The following SNAPC4 variants were observed in gnomAD, a reference collection of about 807,000 sequenced individuals.
SNAPC4 encodes snRNA-activating protein complex subunit 4.
SNAPC4 carries 127 observed loss-of-function variants against 151.3 expected under a neutral mutation model. The ratio of observed to expected loss-of-function variants is 0.84; its 90% confidence interval spans 0.73 to 0.97. The LOEUF (loss-of-function observed/expected upper bound fraction) is 0.97, where lower values mean the gene tolerates loss of function less well. SNAPC4 is among the 50% of genes least tolerant of loss of function. The pLI, the probability that SNAPC4 is intolerant of heterozygous loss-of-function variation, is 0.00. For synonymous variants in SNAPC4, 1,002 were observed against 824.4 expected, an observed-to-expected ratio of 1.22 and a Z score of -3.69; for missense variants, 2,186 against 1,935.0, an observed-to-expected ratio of 1.13 and a Z score of -2.43.
rs1833684677 is a variant in SNAPC4 at position 136,381,381 on chromosome 9, T to G, written c.2329A>C (p.Arg777=). Residue 777 remains arginine (R), a synonymous_variant, in exon 19 of 24, where the codon AGG becomes CGG. Transcript: ENST00000684778. ...AVVQTQADGL[R]EQLQQARLAS... is the part of the protein sequence containing the mutation. ...AGGCGGGCCTGCTGCAGCTGCTCCC[T>G]GAGGCCATCCGCTGCGGGCACAGGG... is the stretch of plus-strand genomic sequence containing the variant. The G allele has an allele frequency of 6.2e-7, 1 of 1,612,542 alleles. No individual in the cohort carries two copies. The highest frequency in any genetic ancestry group is 2.2e-5 in the East Asian group (1 of 44,876).
intron 9 of SNAPC4, 132 bp downstream of exon 9, chr9:136,392,390 C>T (rs80229337): frequency 4.2e-6 from 4 of 945,110 alleles, no homozygotes; most frequent in Middle Eastern, 3.1e-4. Flanking sequence ...GTGCTTGACC[C>T]GGGTGGGTGG....
chr9:136,387,934 G>A, intron 11 of SNAPC4, 86 bp from the exon 12 acceptor site: 1 of 812,724 alleles, frequency 1.2e-6, no homozygotes, highest in Admixed American at 1.8e-5. Context: ...AGGGTCCCGT[G>A]GGGCCGAGAC....
chr9:136,383,452 C>A lies in SNAPC4; in HGVS notation c.1717G>T (p.Val573Phe). 1 of 1,561,944 alleles carries A rather than the reference C, an allele frequency of 6.4e-7. No individual in the cohort carries two copies. The highest frequency in any genetic ancestry group is 8.7e-7 in the Non-Finnish European group (1 of 1,153,326). ...QYMVPDMDLW[V>F]PARQSTSQPW... Reference sequence around the variant, plus strand: ...TGGCTGGTGCTCTGCCTGGCAGGAACCCACAGGTCCATGTCCGGGACCATG... The same window carrying A: ...TGGCTGGTGCTCTGCCTGGCAGGAAACCACAGGTCCATGTCCGGGACCATG... The change falls in exon 16 of 24, where the codon GTT becomes TTT. Residue 573 changes from valine to phenylalanine, a missense_variant. Coordinates refer to ENST00000684778, the MANE Select transcript of SNAPC4 (RefSeq NM_003086.4). The surrounding 1 kb of genome is among the most constrained non-coding windows in gnomAD (Gnocchi z 4.2).
chr9:136,394,452 C>G (rs1834190026), intron 6 of SNAPC4, 122 bp from the exon 7 acceptor site: 3 of 829,804 alleles, frequency 3.6e-6, no homozygotes, highest in Middle Eastern at 3.3e-4. Context: ...AGCAGCACGC[C>G]AGACCTACTG....
At chr9:136,385,822 A>G (rs560800112) in intron 13 of SNAPC4, among the ~76,000 whole-genome samples, 149 of 152,122 alleles carry the variant, frequency 9.8e-4, no homozygotes, top group African/African-American at 2.2e-3. Flanking sequence ...CCAAAGTGCT[A>G]GGATTACAGG....
rs1316953048 is a variant in SNAPC4 at position 136,384,001 on chromosome 9, G to A, written c.1452C>T (p.Pro484=). The A allele has an allele frequency of 1.3e-5, 21 of 1,613,686 alleles. No individual in the cohort carries two copies. The Admixed American group carries it at 3.5e-4, about 27-fold the overall frequency. Residue 484 remains proline (P), a synonymous_variant, in exon 15 of 24, where the codon CCC becomes CCT. Transcript: ENST00000684778. ...TCAGACACTGGGAGCCAGACCGATGGGGCAGCTCAGAAGCTATTTTTGCCC... is the reference window on the plus strand; with the variant it reads ...TCAGACACTGGGAGCCAGACCGATGAGGCAGCTCAGAAGCTATTTTTGCCC... ...GHWAKIASEL[P]HRSGSQCLSK... is the part of the protein sequence containing the mutation.
chr9:136,391,526 G>C (rs372553780), intron 10 of SNAPC4, among the ~76,000 whole-genome samples: 1 of 151,778 alleles, frequency 6.6e-6, no homozygotes, highest in South Asian at 2.1e-4. Context: ...TCGTTATCAA[G>C]ACAAGAGACC....
chr9:136,382,163 C>A (rs924083417), intron 17 of SNAPC4, 90 bp from the exon 18 acceptor site: 2 of 1,580,302 alleles, frequency 1.3e-6, no homozygotes, highest in African/African-American at 1.3e-5. Context: ...CCTCCACCCC[C>A]ATCAGGGCAT....
At position 136,391,991 on chromosome 9, in the gene SNAPC4, G is replaced by A. The variant is rs61731233; in HGVS notation, c.926C>T (p.Ala309Val). The A allele has an allele frequency of 2.3e-3, 3,702 of 1,609,016 alleles. 4 individuals carry two copies. Among genetic ancestry groups the A allele is most frequent in the Non-Finnish European group, 2.8e-3 (3,295 of 1,179,962 alleles). ...CCACTCCAGGTGGCCGTGTGCAGCC[G>A]CGATCGCCTGCAGCCGCTCCTCCTC... Reference protein sequence around the residue: ...REEEERLQAIAAAHGHLEWQK... With the variant: ...REEEERLQAIVAAHGHLEWQK... The change falls in exon 10 of 24, where the codon GCG becomes GTG. Residue 309 changes from alanine (A) to valine (V), a missense_variant. Transcript: ENST00000684778.
intron 3 of SNAPC4, among the ~76,000 whole-genome samples, chr9:136,396,647 C>G (rs984403803): frequency 6.6e-5 from 10 of 152,204 alleles, no homozygotes; most frequent in African/African-American, 2.2e-4. Flanking sequence ...CCACAGGAAT[C>G]TGAGGCACAG....
chr9:136,387,652 C>CA, intron 12 of SNAPC4, 73 bp from the exon 13 acceptor site: 4 of 1,397,410 alleles, frequency 2.9e-6, no homozygotes, highest in Non-Finnish European at 3.1e-6. Context: ...TGAACCCAGT[C>CA]AGAGAAGGGA....
intron 22 of SNAPC4, 50 bp downstream of exon 22, chr9:136,377,493 C>A (rs1308464071): frequency 9.4e-6 from 14 of 1,496,398 alleles, no homozygotes; most frequent in Admixed American, 2.3e-5. Flanking sequence ...CGAGGGCACC[C>A]CAGGGACCGC....
intron 22 of SNAPC4, among the ~76,000 whole-genome samples, chr9:136,377,325 T>C (rs1744419590): frequency 1.3e-5 from 2 of 152,168 alleles, no homozygotes; most frequent in South Asian, 4.1e-4. Flanking sequence ...GAGGCCTCTC[T>C]TCTCCCCTTT....
chr9:136,379,968 C>T (rs911517494), intron 20 of SNAPC4, 104 bp from the exon 21 acceptor site: 132 of 1,440,888 alleles, frequency 9.2e-5, no homozygotes, highest in Non-Finnish European at 1.2e-4. Context: ...TGAAATGGGA[C>T]GAGGCCCCAA....
Position 136,378,143 on chromosome 9 carries a change from T to C in SNAPC4, c.3684A>G (p.Thr1228=). The C allele has an allele frequency of 6.2e-7, 1 of 1,609,168 alleles. No homozygotes were observed. The highest frequency in any genetic ancestry group is 8.5e-7 in the Non-Finnish European group (1 of 1,178,772). Residue 1228 remains threonine (T), a synonymous_variant, in exon 22 of 24, where the codon ACA becomes ACG. Coordinates refer to ENST00000684778, the MANE Select transcript of SNAPC4 (RefSeq NM_003086.4). Reference sequence around the variant, plus strand: ...GGCCCAGAGGCCCCCTGGGCTCCTGTGTCCCTGAGGGGGACCCCGGCGTCC... The same window carrying C: ...GGCCCAGAGGCCCCCTGGGCTCCTGCGTCCCTGAGGGGGACCCCGGCGTCC... ...PRGTPGSPSG[T]QEPRGPLGLE... is the part of the protein sequence containing the mutation.
chr9:136,397,152 C>T (rs1014930014), intron 2 of SNAPC4, 129 bp from the exon 3 acceptor site: 4 of 821,576 alleles, frequency 4.9e-6, no homozygotes, highest in Middle Eastern at 2.8e-4. Flanking sequence ...CTGAGGCTGG[C>T]GGTGAGCGGA....
intron 6 of SNAPC4, 130 bp downstream of exon 6, chr9:136,394,670 T>C: frequency 2.5e-6 from 2 of 794,262 alleles, no homozygotes; most frequent in African/African-American, 1.7e-5. Flanking sequence ...GTCCCAGTGG[T>C]CAAGGCCTGA....
rs774404002 is a variant in SNAPC4 at position 136,381,346 on chromosome 9, G to A, written c.2364C>T (p.Thr788=). 7.4e-6 allele frequency: 12 copies of A among 1,612,740 alleles called. No homozygotes were observed. In the African/African-American group the frequency reaches 1.6e-4, roughly 22 times the overall value. Residue 788 remains threonine, a synonymous_variant, in exon 19 of 24, where the codon ACC becomes ACT. Transcript: ENST00000684778. ...CCTGGGTAAACAGGGTAAACACAGGGGTGCTGGCCAGGCGGGCCTGCTGCA... is the reference window on the plus strand; with the variant it reads ...CCTGGGTAAACAGGGTAAACACAGGAGTGCTGGCCAGGCGGGCCTGCTGCA... ...EQLQQARLAS[T]PVFTLFTQLF... is the part of the protein sequence containing the mutation.
intron 7 of SNAPC4, 24 bp downstream of exon 7, chr9:136,394,225 T>G: frequency 6.3e-7 from 1 of 1,591,692 alleles, no homozygotes; most frequent in Non-Finnish European, 8.6e-7. Context: ...GAAGACCGTT[T>G]TTGACTTATG....
Sources: gnomAD v4.1 joint callset for allele counts (sites outside exome capture counted in the v4.1 genomes callset) on GRCh38, gnomAD v4.1.1 for gene constraint, Gnocchi (gnomAD v3.1) non-coding constraint, MANE v1.5 for transcripts, NCBI Gene and HGNC (gene_info 2026-07-23, HGNC 2026-07-21) for gene names.